SYT7: variants seen among roughly 807,000 people sequenced by gnomAD.
SYT7 encodes synaptotagmin 7.
Under a neutral mutation model 75.1 loss-of-function variants are expected in SYT7, and 29 were observed. That is an observed-to-expected ratio of 0.39 (90% CI 0.29 to 0.53). The LOEUF is 0.53. SYT7 is among the 20% of genes least tolerant of loss of function. SYT7 has a pLI of 0.77. For missense variants in SYT7, 693 were observed against 953.2 expected, an observed-to-expected ratio of 0.73 and a Z score of 3.59; for synonymous variants, 376 against 401.7, an observed-to-expected ratio of 0.94 and a Z score of 0.76.
chr11:61,531,121 C>G, intron 8 of SYT7: 2 of 985,474 alleles, frequency 2.0e-6, no homozygotes, highest in Non-Finnish European at 2.4e-6. Context: ...GCTGAGGTCA[C>G]AGTGGGCTGA....
chr11:61,544,407 G>A (rs949068561), intron 5 of SYT7, among the ~76,000 whole-genome samples: 11 of 152,238 alleles, frequency 7.2e-5, no homozygotes, highest in Non-Finnish European at 1.0e-4. Context: ...TAAAGAGAGA[G>A]GGAAAGAAAG....
At position 61,580,915 on chromosome 11, in the gene SYT7, C is replaced by T; in HGVS notation, c.-95G>A. Reference sequence around the variant, plus strand: ...CCGCTGGGCATGGGGCCGGGCGACCCCCGGGGGCGGGTCCGAGGGCGGGGG... The same window carrying T: ...CCGCTGGGCATGGGGCCGGGCGACCTCCGGGGGCGGGTCCGAGGGCGGGGG... On this transcript the variant is annotated 5_prime_UTR_variant, in exon 1 of 13. Transcript: ENST00000539008. This position sits in a 1 kb window ranked among gnomAD's most constrained non-coding sequence, Gnocchi z 6.1. The T allele has an allele frequency of 9.4e-7, 1 of 1,069,164 alleles. No homozygotes were observed. The highest frequency in any genetic ancestry group is 1.1e-6 in the Non-Finnish European group (1 of 885,026). The allele number at this position is 1,069,164 out of a possible 1,614,324, so 66.2% of individuals were successfully genotyped here.
At chr11:61,586,068 C>T (rs373159201), upstream of SYT7, among the ~76,000 whole-genome samples, 97 of 152,284 alleles carry the variant, frequency 6.4e-4, no homozygotes, top group African/African-American at 2.3e-3. Flanking sequence ...CCCCAAGGGT[C>T]TCTCAGGCCA....
In SYT7 at chr11:61,551,274, G is replaced by C; in HGVS notation, c.215+110C>G. 9.7e-7 allele frequency: 1 copy of C among 1,028,752 alleles called. No individual in the cohort carries two copies. Among genetic ancestry groups the C allele is most frequent in the Non-Finnish European group, 1.5e-6 (1 of 675,744 alleles). The allele number at this position is 1,028,752 out of a possible 1,614,324, so 63.7% of individuals were successfully genotyped here. A position where few individuals can be genotyped will look rare whatever the true frequency, so the allele number is the denominator to read the frequency against. On this transcript the variant is annotated intron_variant, in intron 3 of 12. Coordinates refer to ENST00000539008, the MANE Select transcript of SYT7 (RefSeq NM_001365809.2). The surrounding 1 kb of genome is among the most constrained non-coding windows in gnomAD (Gnocchi z 5.3). ...TGTAGAGAGCATGGCATCGGGGTGT[G>C]GGGGAAGTGAAAGTGTGTGGTCAGG...
At chr11:61,537,485 G>A (rs181632859) in intron 7 of SYT7, among the ~76,000 whole-genome samples, 1 of 152,220 alleles carries the variant, frequency 6.6e-6, no homozygotes, top group Non-Finnish European at 1.5e-5. Context: ...CCCGAGGCCA[G>A]CCGCAGTGAA....
intron 1 of SYT7, among the ~76,000 whole-genome samples, chr11:61,558,134 G>A (rs1277048882): frequency 2.6e-5 from 4 of 152,276 alleles, no homozygotes; most frequent in Non-Finnish European, 2.9e-5. Context: ...CCATTCTTAC[G>A]CTGAGCTTTC....
chr11:61,517,248 G>A lies in SYT7; in HGVS notation c.*1379C>T, dbSNP rs1183486468. 4 of 398,608 alleles carry A rather than the reference G, an allele frequency of 1.0e-5. No individual in the cohort carries two copies. The highest frequency in any genetic ancestry group is 1.8e-5 in the Non-Finnish European group (4 of 226,064). 24.7% of individuals were successfully genotyped at this position (398,608 alleles called of 1,614,324 possible). On this transcript the variant is annotated 3_prime_UTR_variant, in exon 13 of 13. Transcript: ENST00000539008. ...AGCAGGGATCAGCCTGAAATCTGCC[G>A]TCTCCAAGGGGAAGCCAGTTTTAGT...
At chr11:61,585,730 C>G (rs2064373180), upstream of SYT7, among the ~76,000 whole-genome samples, 1 of 152,150 alleles carries the variant, frequency 6.6e-6, no homozygotes, top group Middle Eastern at 3.2e-3. Context: ...GAGGCCCACC[C>G]AGAGTCTATG....
At position 61,515,120 on chromosome 11, in the gene SYT7, G is replaced by A. The variant is rs952057741; in HGVS notation, c.*3507C>T. On this transcript the variant is annotated 3_prime_UTR_variant, in exon 13 of 13. Transcript: ENST00000539008. ...CCTCTCTGCTTTCTGGGAAGCCAGT[G>A]GGATCATATTCTATAGAGATCTGAG... 6.6e-6 allele frequency among the ~76,000 whole-genome samples: 1 copy of A among 152,222 alleles called. No homozygotes were observed. The highest frequency in any genetic ancestry group is 1.5e-5 in the Non-Finnish European group (1 of 68,038).
intron 7 of SYT7, among the ~76,000 whole-genome samples, chr11:61,534,778 G>A (rs772082840): frequency 1.2e-4 from 18 of 151,860 alleles, no homozygotes; most frequent in Non-Finnish European, 1.8e-4. Context: ...TCCACCCAGC[G>A]ACACGCGGGC....
At chr11:61,547,740 C>A (rs1306773513) in intron 3 of SYT7, among the ~76,000 whole-genome samples, 2 of 152,256 alleles carry the variant, frequency 1.3e-5, no homozygotes, top group Non-Finnish European at 2.9e-5. Context: ...CTAGATGGAG[C>A]TGAAAGGCAG....
chr11:61,556,233 C>T (rs377551341), intron 1 of SYT7, 26 bp from the exon 2 acceptor site: 251 of 1,592,144 alleles, frequency 1.6e-4, no homozygotes, highest in Non-Finnish European at 2.1e-4. Context: ...ACAGGTCACA[C>T]CCTCATTGGC....
At position 61,517,486 on chromosome 11, in the gene SYT7, G is replaced by C. The variant is rs761684761; in HGVS notation, c.*1141C>G. The C allele has an allele frequency of 1.3e-5, 5 of 399,028 alleles. No homozygotes were observed. The highest frequency in any genetic ancestry group is 2.2e-5 in the Non-Finnish European group (5 of 226,278). The allele number at this position is 399,028 out of a possible 1,614,324, so 24.7% of individuals were successfully genotyped here. A position where few individuals can be genotyped will look rare whatever the true frequency, so the allele number is the denominator to read the frequency against. On this transcript the variant is annotated 3_prime_UTR_variant, in exon 13 of 13. Transcript: ENST00000539008. ...GACGATCAGAGACCACGCACGATGA[G>C]ACGGAATGAATGGAAGGTCTACAAG...
chr11:61,573,850 C>T (rs146080681), intron 1 of SYT7, among the ~76,000 whole-genome samples: 1 of 152,236 alleles, frequency 6.6e-6, no homozygotes, highest in Non-Finnish European at 1.5e-5. Flanking sequence ...GGACTCAAGG[C>T]CCTGTATCTG....
Position 61,551,439 on chromosome 11 carries a change from C to T in SYT7, c.160G>A (p.Glu54Lys). 1.2e-6 allele frequency: 2 copies of T among 1,613,888 alleles called. No individual in the cohort carries two copies. Among genetic ancestry groups the T allele is most frequent in the Middle Eastern group, 1.6e-4 (1 of 6,062 alleles). Reference protein sequence around the residue: ...KLGKRYKNSLETVGTPDSGRG... With the variant: ...KLGKRYKNSLKTVGTPDSGRG... Reference sequence around the variant, plus strand: ...CCTGAGTCTGGCGTGCCCACCGTCTCCAAGGAATTCTTGTAGCGTTTGCCC... The same window carrying T: ...CCTGAGTCTGGCGTGCCCACCGTCTTCAAGGAATTCTTGTAGCGTTTGCCC... Residue 54 changes from glutamate (E) to lysine (K), a missense_variant, in exon 3 of 13, where the codon GAG (glutamate) becomes AAG (lysine). Around this residue, in one of 2 missense-constraint regions of SYT7, gnomAD observed 487 missense variants for 593.2 expected, o/e 0.82. Coordinates refer to ENST00000539008, the MANE Select transcript of SYT7 (RefSeq NM_001365809.2). The surrounding 1 kb of genome is among the most constrained non-coding windows in gnomAD (Gnocchi z 5.3).
intron 1 of SYT7, among the ~76,000 whole-genome samples, chr11:61,572,688 C>T (rs1485729785): frequency 1.3e-5 from 2 of 152,214 alleles, no homozygotes; most frequent in East Asian, 3.8e-4. Context: ...GGGAGCCTCT[C>T]CCTTGCAGCT....
chr11:61,517,125 A>G lies in SYT7; in HGVS notation c.*1502T>C. 2.5e-6 allele frequency: 1 copy of G among 394,450 alleles called. No homozygotes were observed. Among genetic ancestry groups the G allele is most frequent in the African/African-American group, 2.1e-5 (1 of 48,610 alleles). The allele number at this position is 394,450 out of a possible 1,614,324, so 24.4% of individuals were successfully genotyped here. ...GCGCCACCTGGCGGTAGTTCTGGGA[A>G]TGTCAGGCCCAGGCTCGTGGACCCC... On this transcript the variant is annotated 3_prime_UTR_variant, in exon 13 of 13. Transcript: ENST00000539008.
chr11:61,586,545 G>A, the SYT7 span, among the ~76,000 whole-genome samples: 1 of 152,198 alleles, frequency 6.6e-6, no homozygotes, highest in Admixed American at 6.5e-5. Flanking sequence ...TCTTGACTGG[G>A]TCTTGGACCC....
At chr11:61,584,499 A>T (rs11230742), upstream of SYT7, among the ~76,000 whole-genome samples, 6,138 of 152,248 alleles carry the variant, frequency 0.04, 216 homozygotes, top group African/African-American at 0.093. Context: ...TTTACCCTTA[A>T]CAGAGACGAC....
Sources: allele counts gnomAD v4.1 joint callset (sites outside exome capture counted in the v4.1 genomes callset), GRCh38; gene constraint gnomAD v4.1.1; regional missense constraint gnomAD v4.1.1; non-coding constraint Gnocchi (gnomAD v3.1); transcripts MANE v1.5; gene names NCBI Gene and HGNC (gene_info 2026-07-23, HGNC 2026-07-21).